The following HOXB3 variants were observed in gnomAD, a reference collection of about 807,000 sequenced individuals.
HOXB3 encodes the protein homeobox protein Hox-B3.
In HOXB3, 17 loss-of-function variants were observed where a neutral mutation model predicts 29.2. That is an observed-to-expected ratio of 0.58 (90% CI 0.40 to 0.87). The LOEUF (loss-of-function observed/expected upper bound fraction) is 0.87, where lower values mean the gene tolerates loss of function less well. Among genes scored for constraint, HOXB3 ranks in the 40% least tolerant of loss-of-function variants. The pLI is 0.00. For synonymous variants in HOXB3, 317 were observed against 285.9 expected (o/e 1.11, Z -1.10); for missense variants, 637 against 616.3 (o/e 1.03, Z -0.35).
chr17:48,572,447 C>G (rs1012121866), intron 2 of HOXB3, among the ~76,000 whole-genome samples: 2 of 152,210 alleles, frequency 1.3e-5, no homozygotes, highest in Admixed American at 1.3e-4. Context: ...TTTCTCTCCT[C>G]GCAGCCCAGG....
At chr17:48,569,216 G>T (rs1190705502) in intron 2 of HOXB3, among the ~76,000 whole-genome samples, 3 of 152,004 alleles carry the variant, frequency 2.0e-5, no homozygotes, top group South Asian at 4.2e-4. Context: ...TCACGTGACC[G>T]GGAGGGGGAA....
Position 48,554,849 on chromosome 17 carries a change from C to T in HOXB3, c.-159+682G>A, listed in dbSNP as rs1238301990. On this transcript the variant is annotated intron_variant, in intron 3 of 4. Coordinates refer to ENST00000498678, the MANE Select transcript of HOXB3 (RefSeq NM_001384749.1). The surrounding 1 kb of genome is among the most constrained non-coding windows in gnomAD (Gnocchi z 4.1). ...TTGGAGGGCGCCGAGGCCTGGCGGA[C>T]GGGACAGTGGGAAGAGAGAAAGGTG... 1.4e-6 allele frequency: 1 copy of T among 702,140 alleles called. No individual in the cohort carries two copies. The highest frequency in any genetic ancestry group is 2.7e-5 in the East Asian group (1 of 37,280). 43.5% of individuals were successfully genotyped at this position (702,140 alleles called of 1,614,324 possible).
Position 48,552,129 on chromosome 17 carries a change from T to C in HOXB3, c.346A>G (p.Lys116Glu), listed in dbSNP as rs1351308617. 1.2e-6 allele frequency: 2 copies of C among 1,613,948 alleles called. No individual in the cohort carries two copies. The highest frequency in any genetic ancestry group is 1.7e-6 in the Non-Finnish European group (2 of 1,179,914). ...GTGGAGTTGGTGCCGGGACCGCACT[T>C]TGGGGGACCACTTTTGCTGGGCCCG... ...GGGPSKSGPPKCGPGTNSTLT... is the reference protein window; with the variant it reads ...GGGPSKSGPPECGPGTNSTLT... The change falls in exon 4 of 5, where the codon AAG becomes GAG. Residue 116 changes from lysine to glutamate, a missense_variant. By Grantham distance (56) the Lys-to-Glu change is moderately conservative (BLOSUM62 1). Coordinates refer to ENST00000498678, the MANE Select transcript of HOXB3 (RefSeq NM_001384749.1).
At chr17:48,555,373 G>T in intron 3 of HOXB3, 158 bp downstream of exon 3, 1 of 514,992 alleles carries the variant, frequency 1.9e-6, no homozygotes, top group East Asian at 3.6e-5. Flanking sequence ...AGGGAGGGAG[G>T]GAGGGAGGGA....
chr17:48,574,590 C>T (rs1338922330), intron 1 of HOXB3: 1 of 152,132 alleles, frequency 6.6e-6, no homozygotes, highest in Admixed American at 6.5e-5. Context: ...TCCCGAGCCC[C>T]GAGCTTTTTG....
intron 1 of HOXB3, chr17:48,579,693 G>A (rs1041206831): frequency 4.3e-6 from 1 of 230,620 alleles, no homozygotes; most frequent in Non-Finnish European, 9.0e-6. Context: ...TCAGGTAGAT[G>A]ATTTCTCCAT....
Position 48,550,559 on chromosome 17 carries a change from G to GCCGCCC in HOXB3, c.1065_1070dup (p.Gly356_Gly357dup). ...CAGGGGGCGGCAGCGGATCCGCGTA[G>GCCGCCC]CCGCCCCCGCCCACGTACACCGGAC... On this transcript the variant is annotated inframe_insertion, in exon 5 of 5. Transcript: ENST00000498678. 6.6e-7 allele frequency: 1 copy of GCCGCCC among 1,520,006 alleles called. No individual in the cohort carries two copies. The highest frequency in any genetic ancestry group is 8.7e-7 in the Non-Finnish European group (1 of 1,146,484). The allele number at this position is 1,520,006 out of a possible 1,614,324, so 94.2% of individuals were successfully genotyped here.
intron 2 of HOXB3, among the ~76,000 whole-genome samples, chr17:48,562,786 T>C (rs575183972): frequency 6.6e-6 from 1 of 152,170 alleles, no homozygotes; most frequent in Non-Finnish European, 1.5e-5. Flanking sequence ...GCTGAGAAAA[T>C]TTAATGCAAA....
At position 48,550,714 on chromosome 17, in the gene HOXB3, A is replaced by T. The variant is rs2144727960; in HGVS notation, c.916T>A (p.Ser306Thr). ...CCTTTGAGAGGGGGCTGGTAGTTGG[A>T]GGGCAGCGCGTAGGCATTCTGGTGG... ...KAHQNAYALPSNYQPPLKGCG... is the reference protein window; with the variant it reads ...KAHQNAYALPTNYQPPLKGCG... The change falls in exon 5 of 5, where the codon TCC becomes ACC. Residue 306 changes from serine to threonine, a missense_variant. Physicochemically the swap from Ser to Thr is moderately conservative, Grantham distance 58 (BLOSUM62 1). Coordinates refer to ENST00000498678, the MANE Select transcript of HOXB3 (RefSeq NM_001384749.1). 6.5e-7 allele frequency: 1 copy of T among 1,547,700 alleles called. No homozygotes were observed. Among genetic ancestry groups the T allele is most frequent in the East Asian group, 2.3e-5 (1 of 44,128 alleles).
At position 48,550,733 on chromosome 17, in the gene HOXB3, C is replaced by A; in HGVS notation, c.897G>T (p.Gln299His). 6.3e-7 allele frequency: 1 copy of A among 1,579,060 alleles called. No individual in the cohort carries two copies. Among genetic ancestry groups the A allele is most frequent in the Non-Finnish European group, 8.6e-7 (1 of 1,160,278 alleles). Residue 299 changes from glutamine (Q) to histidine (H), a missense_variant, in exon 5 of 5, where the codon CAG becomes CAT. By Grantham distance (24) the Gln-to-His change is conservative (BLOSUM62 0). Coordinates refer to ENST00000498678, the MANE Select transcript of HOXB3 (RefSeq NM_001384749.1). ...AGTTGGAGGGCAGCGCGTAGGCATT[C>A]TGGTGGGCTTTACCGAAGGCGGGTG... The part of the protein sequence containing the change: ...PSPPAFGKAH[Q>H]NAYALPSNYQ...
chr17:48,561,331 C>T (rs1023122481), intron 2 of HOXB3, among the ~76,000 whole-genome samples: 2 of 152,152 alleles, frequency 1.3e-5, no homozygotes. Flanking sequence ...AATCTCAACC[C>T]AACCCAGCTA....
Position 48,552,032 on chromosome 17 carries a change from C to T in HOXB3, c.443G>A (p.Gly148Asp), listed in dbSNP as rs1320170576. The change falls in exon 4 of 5, where the codon GGC becomes GAC. Residue 148 changes from glycine to aspartate, a missense_variant. By Grantham distance (94) the Gly-to-Asp change is moderately conservative. Transcript: ENST00000498678. The part of the protein sequence containing the change: ...QTSKLKNNSP[G>D]TAEGCGGGGG... ...GGAAGGCAGAGAACTGGTACCTGTG[C>T]CGGGGGAGTTGTTTTTCAGCTTGGA... is the stretch of plus-strand genomic sequence containing the variant. 3 of 1,570,152 alleles carry T rather than the reference C, an allele frequency of 1.9e-6. No homozygotes were observed. Among genetic ancestry groups the T allele is most frequent in the Non-Finnish European group, 2.6e-6 (3 of 1,153,978 alleles).
chr17:48,558,940 TGA>T (rs139226124), intron 2 of HOXB3, among the ~76,000 whole-genome samples: 53 of 148,496 alleles, frequency 3.6e-4, no homozygotes, highest in African/African-American at 4.7e-4. Context: ...TGTGTGTGTG[TGA>T]GAGAGAGAGA....
At chr17:48,557,653 C>T (rs926316079) in intron 2 of HOXB3, among the ~76,000 whole-genome samples, 2 of 152,164 alleles carry the variant, frequency 1.3e-5, no homozygotes, top group African/African-American at 4.8e-5. Context: ...AGGACCCCAC[C>T]TCCCACCTAG....
rs1316759212 is a variant in HOXB3 at position 48,549,032 on chromosome 17, C to T, written c.*1302G>A. On this transcript the variant is annotated 3_prime_UTR_variant, in exon 5 of 5. Transcript: ENST00000498678. ...GTGACGATTAGGAGCTGAGTTCATG[C>T]CTTTTAGAACTAATTACAATTGTTC... is the stretch of plus-strand genomic sequence containing the variant. 1 of 152,678 alleles carries T rather than the reference C, an allele frequency of 6.5e-6. No homozygotes were observed. The highest frequency in any genetic ancestry group is 1.5e-5 in the Non-Finnish European group (1 of 68,048). The allele number at this position is 152,678 out of a possible 1,614,324, so 9.5% of individuals were successfully genotyped here. A position where few individuals can be genotyped will look rare whatever the true frequency, so the allele number is the denominator to read the frequency against.
At chr17:48,587,818 CA>C (rs916712258) in intron 1 of HOXB3, among the ~76,000 whole-genome samples, 1 of 152,092 alleles carries the variant, frequency 6.6e-6, no homozygotes, top group Non-Finnish European at 1.5e-5. Flanking sequence ...TAAAACAAAA[CA>C]AAAAAAATCA....
At chr17:48,587,323 C>A (rs540081568) in intron 1 of HOXB3, among the ~76,000 whole-genome samples, 2 of 152,270 alleles carry the variant, frequency 1.3e-5, no homozygotes, top group South Asian at 4.2e-4. Context: ...GGGCAGATCT[C>A]AGCCTCAAAA....
Position 48,554,846 on chromosome 17 carries a change from G to A in HOXB3, c.-159+685C>T, listed in dbSNP as rs1374533331. 3 of 702,194 alleles carry A rather than the reference G, an allele frequency of 4.3e-6. No homozygotes were observed. The highest frequency in any genetic ancestry group is 5.2e-6 in the Non-Finnish European group (2 of 384,808). The allele number at this position is 702,194 out of a possible 1,614,324, so 43.5% of individuals were successfully genotyped here. A position where few individuals can be genotyped will look rare whatever the true frequency, so the allele number is the denominator to read the frequency against. ...GGGTTGGAGGGCGCCGAGGCCTGGC[G>A]GACGGGACAGTGGGAAGAGAGAAAG... is the stretch of plus-strand genomic sequence containing the variant. On this transcript the variant is annotated intron_variant, in intron 3 of 4. Coordinates refer to ENST00000498678, the MANE Select transcript of HOXB3 (RefSeq NM_001384749.1). This position sits in a 1 kb window ranked among gnomAD's most constrained non-coding sequence, Gnocchi z 4.1.
At chr17:48,584,370 G>T (rs1001868287) in intron 1 of HOXB3, among the ~76,000 whole-genome samples, 1 of 152,172 alleles carries the variant, frequency 6.6e-6, no homozygotes, top group South Asian at 2.1e-4. Context: ...GTTTGGAAAG[G>T]CTCCAGTGTT....
Sources: allele counts gnomAD v4.1 joint callset (sites outside exome capture counted in the v4.1 genomes callset), GRCh38; gene constraint gnomAD v4.1.1; non-coding constraint Gnocchi (gnomAD v3.1); transcripts MANE v1.5; gene names NCBI Gene and HGNC (gene_info 2026-07-23, HGNC 2026-07-21).